Variants in DOCK2 observed in about 807,000 individuals in gnomAD.
The protein encoded by DOCK2 is dedicator of cytokinesis 2, also known as dedicator of cytokinesis protein 2.
Under a neutral mutation model 248.9 loss-of-function variants are expected in DOCK2, and 87 were observed. The observed-to-expected ratio is 0.35, with a 90% CI of 0.29 to 0.42. The LOEUF (loss-of-function observed/expected upper bound fraction) is 0.42, where lower values mean the gene tolerates loss of function less well. Among genes scored for constraint, DOCK2 ranks in the 10% least tolerant of loss-of-function variants. The pLI, the probability that DOCK2 is intolerant of heterozygous loss-of-function variation, is 1.00. For missense variants in DOCK2, 1,747 were observed against 2,300.2 expected (o/e 0.76, Z 4.92); for synonymous variants, 805 against 821.6 (o/e 0.98, Z 0.35).
chr5:170,075,757 A>G (rs1200185373), intron 46 of DOCK2, 190 bp from the exon 47 acceptor site: 4 of 718,218 alleles, frequency 5.6e-6, no homozygotes, highest in Non-Finnish European at 9.1e-6. Context: ...TCCTTTCCAG[A>G]GCAAACCTCA....
intron 27 of DOCK2, among the ~76,000 whole-genome samples, chr5:169,941,822 C>T (rs1388457118): frequency 1.3e-5 from 2 of 152,312 alleles, no homozygotes; most frequent in East Asian, 3.9e-4. Flanking sequence ...GCATTCCCCT[C>T]CAGAATAGAA....
chr5:169,844,182 A>G (rs1356160481), intron 27 of DOCK2, among the ~76,000 whole-genome samples: 3 of 152,226 alleles, frequency 2.0e-5, no homozygotes, highest in Admixed American at 6.5e-5. Flanking sequence ...TATTTTTAAA[A>G]GCATTCCCTG....
intron 26 of DOCK2, among the ~76,000 whole-genome samples, chr5:169,831,083 C>A (rs940972944): frequency 4.6e-5 from 7 of 152,108 alleles, no homozygotes; most frequent in Non-Finnish European, 1.0e-4. Context: ...ATGAACATTT[C>A]CAACAAAACA....
intron 14 of DOCK2, among the ~76,000 whole-genome samples, chr5:169,704,607 CAA>C (rs903103169): frequency 5.3e-5 from 8 of 152,008 alleles, no homozygotes; most frequent in African/African-American, 1.9e-4. Flanking sequence ...GCAGGTTAAA[CAA>C]AAGAGTAGGT....
At chr5:170,045,974 T>C (rs574464275) in intron 39 of DOCK2, 69 bp downstream of exon 39, 1 of 1,467,072 alleles carries the variant, frequency 6.8e-7, no homozygotes, top group South Asian at 1.1e-5. Flanking sequence ...TCACCCCAGA[T>C]CCTGGGGAGA....
chr5:169,793,715 A>T (rs1351906260), intron 25 of DOCK2, among the ~76,000 whole-genome samples: 1 of 152,092 alleles, frequency 6.6e-6, no homozygotes, highest in Non-Finnish European at 1.5e-5. Flanking sequence ...CCAGGGCCTG[A>T]TGAGACCTGG....
intron 33 of DOCK2, among the ~76,000 whole-genome samples, chr5:170,025,256 A>G (rs2173922): frequency 0.59 from 89,922 of 152,200 alleles, 28,768 homozygotes; most frequent in African/African-American, 0.85. Context: ...TGGCCCACAG[A>G]CCAAATCCAT....
chr5:169,929,100 C>A (rs945981933), intron 27 of DOCK2, among the ~76,000 whole-genome samples: 3 of 152,146 alleles, frequency 2.0e-5, no homozygotes, highest in African/African-American at 7.2e-5. Context: ...TTCTGTCATG[C>A]CCTGCCTTGA....
At chr5:169,733,624 T>A (rs1487527016) in intron 22 of DOCK2, among the ~76,000 whole-genome samples, 1 of 152,176 alleles carries the variant, frequency 6.6e-6, no homozygotes, top group Non-Finnish European at 1.5e-5. Context: ...TAGACTTAAC[T>A]TTAAGAAATT....
chr5:169,714,658 G>T (rs1456818320), intron 19 of DOCK2, among the ~76,000 whole-genome samples: 1 of 152,090 alleles, frequency 6.6e-6, no homozygotes, highest in Non-Finnish European at 1.5e-5. Flanking sequence ...CTGAATGTTG[G>T]GTGCCAGAAA....
chr5:169,691,220 T>A (rs775613071), intron 9 of DOCK2, among the ~76,000 whole-genome samples: 5 of 152,178 alleles, frequency 3.3e-5, no homozygotes, highest in Non-Finnish European at 7.3e-5. Context: ...CTCGCTATCA[T>A]GATGATAGCA....
intron 32 of DOCK2, among the ~76,000 whole-genome samples, chr5:170,015,794 C>G (rs2113818271): frequency 1.3e-5 from 2 of 151,688 alleles, no homozygotes; most frequent in Admixed American, 1.3e-4. Context: ...CCCTCCCTCC[C>G]TCCTTTCTCC....
Position 169,996,177 on chromosome 5 carries a change from C to T in DOCK2, c.3072+13C>T. 3 of 1,613,062 alleles carry T rather than the reference C, an allele frequency of 1.9e-6. No homozygotes were observed. Among genetic ancestry groups the T allele is most frequent in the Non-Finnish European group, 2.5e-6 (3 of 1,179,500 alleles). ...CTTTGAGTTCCAGGTGAGTATAAGC[C>T]ACCAGAGCTACCCTTGGAGCTGCCC... On this transcript the variant is annotated intron_variant, in intron 30 of 51. Coordinates refer to ENST00000520908, the MANE Select transcript of DOCK2 (RefSeq NM_004946.3).
At chr5:170,011,086 T>C (rs1156896052) in intron 32 of DOCK2, among the ~76,000 whole-genome samples, 2 of 152,232 alleles carry the variant, frequency 1.3e-5, no homozygotes, top group Non-Finnish European at 2.9e-5. Flanking sequence ...ATATTTATTT[T>C]TAGCTGAGGA....
chr5:170,067,253 A>G (rs954769640), intron 44 of DOCK2, among the ~76,000 whole-genome samples: 7 of 145,036 alleles, frequency 4.8e-5, no homozygotes, highest in Non-Finnish European at 1.1e-4. Flanking sequence ...TCTCTGGGGC[A>G]CACTCAGCAG....
At chr5:169,935,346 C>G (rs951168136) in intron 27 of DOCK2, among the ~76,000 whole-genome samples, 2 of 151,972 alleles carry the variant, frequency 1.3e-5, no homozygotes, top group African/African-American at 4.8e-5. Flanking sequence ...CTGAATCTCA[C>G]TTGCGCCCTT....
chr5:169,932,777 C>G (rs1775815379), intron 27 of DOCK2, among the ~76,000 whole-genome samples: 1 of 152,112 alleles, frequency 6.6e-6, no homozygotes, highest in Non-Finnish European at 1.5e-5. Flanking sequence ...TATACAAACA[C>G]TCACCTATGC....
chr5:169,879,165 A>T (rs1208994527), intron 27 of DOCK2, among the ~76,000 whole-genome samples: 5 of 152,236 alleles, frequency 3.3e-5, no homozygotes, highest in Non-Finnish European at 5.9e-5. Flanking sequence ...TCTCCAGAGA[A>T]GAAGACCCAG....
At chr5:169,877,808 C>A (rs1361219768) in intron 27 of DOCK2, among the ~76,000 whole-genome samples, 1 of 152,074 alleles carries the variant, frequency 6.6e-6, no homozygotes, top group East Asian at 1.9e-4. Flanking sequence ...CCTGGACAAA[C>A]AAAACCTCTT....
Sources: allele counts gnomAD v4.1 joint callset (sites outside exome capture counted in the v4.1 genomes callset), GRCh38; gene constraint gnomAD v4.1.1; transcripts MANE v1.5; gene names NCBI Gene and HGNC (gene_info 2026-07-23, HGNC 2026-07-21).